Variants in FBXL5 observed in about 807,000 individuals in gnomAD.
The protein encoded by FBXL5 is F-box and leucine rich repeat protein 5.
FBXL5 carries 26 observed loss-of-function variants against 78.3 expected under a neutral mutation model. That is an observed-to-expected ratio of 0.33 (90% CI 0.24 to 0.46). The LOEUF (loss-of-function observed/expected upper bound fraction) is 0.46, where lower values mean the gene tolerates loss of function less well. FBXL5 is among the 20% of genes least tolerant of loss of function. FBXL5 has a pLI of 1.00. For synonymous variants in FBXL5, 295 were observed against 282.5 expected, an observed-to-expected ratio of 1.04 and a Z score of -0.45; for missense variants, 710 against 829.2, an observed-to-expected ratio of 0.86 and a Z score of 1.77.
chr4:15,670,281 G>C (rs557173468), intron 1 of FBXL5, among the ~76,000 whole-genome samples: 113 of 152,312 alleles, frequency 7.4e-4, no homozygotes, highest in Admixed American at 2.0e-3. Flanking sequence ...AAATACCTAG[G>C]AGTAGAAAGG....
intron 2 of FBXL5, among the ~76,000 whole-genome samples, chr4:15,641,920 G>C (rs1010119860): frequency 6.6e-6 from 1 of 151,876 alleles, no homozygotes; most frequent in Non-Finnish European, 1.5e-5. Context: ...CCAGCTACTC[G>C]AGAGGCTGAG....
intron 1 of FBXL5, among the ~76,000 whole-genome samples, chr4:15,668,042 TAA>T (rs36082259): frequency 4.0e-4 from 53 of 132,444 alleles, no homozygotes; most frequent in Non-Finnish European, 5.5e-4. Flanking sequence ...ACTCTATCTC[TAA>T]AAAAAAAAAA....
intron 1 of FBXL5, among the ~76,000 whole-genome samples, chr4:15,654,982 C>T (rs1716678998): frequency 6.6e-6 from 1 of 151,792 alleles, no homozygotes; most frequent in South Asian, 2.1e-4. Context: ...GCCGCCCGCC[C>T]CGAGAGCACG....
chr4:15,618,597 T>G (rs955606468), intron 9 of FBXL5, among the ~76,000 whole-genome samples: 1 of 152,198 alleles, frequency 6.6e-6, no homozygotes, highest in Non-Finnish European at 1.5e-5. Flanking sequence ...TTCCAGCACT[T>G]TGGGAGGCCA....
chr4:15,630,871 T>TA, intron 5 of FBXL5, 80 bp from the exon 6 acceptor site: 1 of 1,539,356 alleles, frequency 6.5e-7, no homozygotes, highest in Non-Finnish European at 8.8e-7. Context: ...CTATTTACGA[T>TA]AAAAATCTCT....
chr4:15,644,766 A>G (rs1715203937), intron 1 of FBXL5, 58 bp from the exon 2 acceptor site: 1 of 1,248,800 alleles, frequency 8.0e-7, no homozygotes, highest in African/African-American at 1.6e-5. Flanking sequence ...GCACAAATAA[A>G]AAATATTCAA....
chr4:15,651,585 G>A (rs986020316), intron 1 of FBXL5, among the ~76,000 whole-genome samples: 3 of 152,162 alleles, frequency 2.0e-5, no homozygotes, highest in Admixed American at 6.5e-5. Context: ...GAAAAATGGC[G>A]GAGGGGGGAA....
At chr4:15,626,471 G>A (rs1281439873) in intron 8 of FBXL5, among the ~76,000 whole-genome samples, 2 of 152,198 alleles carry the variant, frequency 1.3e-5, no homozygotes, top group Non-Finnish European at 2.9e-5. Context: ...TGGTCAAGGA[G>A]ATATACTCTG....
intron 1 of FBXL5, among the ~76,000 whole-genome samples, chr4:15,681,038 CTTG>C (rs1162568630): frequency 2.0e-5 from 3 of 151,368 alleles, no homozygotes; most frequent in African/African-American, 4.8e-5. Flanking sequence ...ACGAACCTAT[CTTG>C]TTAATGATCA....
intron 10 of FBXL5, among the ~76,000 whole-genome samples, chr4:15,610,677 A>T (rs1311235571): frequency 6.6e-6 from 1 of 152,076 alleles, no homozygotes; most frequent in Non-Finnish European, 1.5e-5. Context: ...AAAACAAGTA[A>T]GCATAAAAAC....
intron 1 of FBXL5, among the ~76,000 whole-genome samples, chr4:15,668,011 A>C (rs1159632738): frequency 6.6e-6 from 1 of 151,298 alleles, no homozygotes; most frequent in Non-Finnish European, 1.5e-5. Context: ...ATTGCACTCC[A>C]GCCTGGGCAA....
chr4:15,661,599 T>C (rs1035949521), upstream of FBXL5, among the ~76,000 whole-genome samples: 10 of 152,200 alleles, frequency 6.6e-5, no homozygotes, highest in Admixed American at 1.3e-4. Context: ...TGACAGAAAA[T>C]AGAAAATAAC....
rs769068743 is a variant in FBXL5 at position 15,625,317 on chromosome 4, C to G, written c.1785G>C (p.Glu595Asp). ...TGAGAAACAGAAGTACACGTCCAGT[C>G]TCTTGATCAGATTTTTCACTCCCAA... ...IYFGSEKSDQETGRVLLFLSL... is the reference protein window; with the variant it reads ...IYFGSEKSDQDTGRVLLFLSL... The change falls in exon 9 of 11, where the codon GAG (glutamate) becomes GAC (aspartate). Residue 595 changes from glutamate to aspartate, a missense_variant. Transcript: ENST00000341285. 4 of 1,614,066 alleles carry G rather than the reference C, an allele frequency of 2.5e-6. No homozygotes were observed. Among genetic ancestry groups the G allele is most frequent in the Non-Finnish European group, 3.4e-6 (4 of 1,180,016 alleles).
At chr4:15,616,229 G>A (rs546238881) in intron 9 of FBXL5, among the ~76,000 whole-genome samples, 7 of 152,342 alleles carry the variant, frequency 4.6e-5, no homozygotes, top group South Asian at 2.1e-4. Context: ...GCGAGGGTCC[G>A]CGGCTTCATT....
At chr4:15,608,539 C>T (rs1308401139) in intron 10 of FBXL5, among the ~76,000 whole-genome samples, 1 of 151,210 alleles carries the variant, frequency 6.6e-6, no homozygotes, top group Non-Finnish European at 1.5e-5. Flanking sequence ...AAACAAAGTT[C>T]CTGCCTATAT....
In FBXL5 at chr4:15,655,225, C is replaced by T. The variant is rs1214205834; in HGVS notation, c.63G>A (p.Leu21=). The T allele has an allele frequency of 1.4e-6, 2 of 1,436,216 alleles. No homozygotes were observed. Among genetic ancestry groups the T allele is most frequent in the Non-Finnish European group, 1.9e-6 (2 of 1,074,268 alleles). 89.0% of individuals were successfully genotyped at this position (1,436,216 alleles called of 1,614,324 possible). ...FTAPHWRMKQ[L]VGLYCDKLSK... ...TTACCTTGTCGCAGTAGAGCCCCAC[C>T]AGCTGCTTCATCCGCCAGTGTGGGG... The change falls in exon 1 of 11, where the codon CTG becomes CTA. Residue 21 remains leucine (L), a synonymous_variant. Transcript: ENST00000341285.
At chr4:15,641,677 A>C (rs556413070) in intron 2 of FBXL5, 6 of 445,872 alleles carry the variant, frequency 1.3e-5, no homozygotes, top group Non-Finnish European at 2.7e-5. Context: ...GATTTTCAAC[A>C]GCACAGGGTG....
chr4:15,611,176 G>A (rs901724341), intron 10 of FBXL5, among the ~76,000 whole-genome samples: 9 of 152,114 alleles, frequency 5.9e-5, no homozygotes, highest in African/African-American at 1.7e-4. Flanking sequence ...GATATATCAA[G>A]AACATGGGAG....
At chr4:15,614,143 A>G (rs1711543881) in intron 9 of FBXL5, among the ~76,000 whole-genome samples, 1 of 152,154 alleles carries the variant, frequency 6.6e-6, no homozygotes. Context: ...CCTTGATGTG[A>G]TGCTCTCCCC....
Sources: gnomAD v4.1 joint callset for allele counts (sites outside exome capture counted in the v4.1 genomes callset) on GRCh38, gnomAD v4.1.1 for gene constraint, MANE v1.5 for transcripts, NCBI Gene and HGNC (gene_info 2026-07-23, HGNC 2026-07-21) for gene names.